Variants in PCDH9 observed in about 807,000 individuals in gnomAD.
PCDH9 encodes protocadherin 9, also known as protocadherin-9.
A neutral mutation model predicts 70.6 loss-of-function variants in PCDH9; 24 were observed. The ratio of observed to expected loss-of-function variants is 0.34; its 90% CI spans 0.25 to 0.48. The LOEUF is 0.48. Ranked by LOEUF, PCDH9 falls within the 20% of genes least tolerant of loss-of-function variation. PCDH9 has a pLI of 0.99. For synonymous variants in PCDH9, 562 were observed against 558.5 expected (o/e 1.01, Z -0.09); for missense variants, 1,281 against 1,503.6 (o/e 0.85, Z 2.45).
rs1422043192 is a variant in PCDH9 at position 66,398,194 on chromosome 13, A to G, written c.3341-93166T>C. Among the ~76,000 whole-genome samples the G allele has an allele frequency of 2.6e-5, 4 of 152,114 alleles. 1 individual carries two copies. The highest frequency in any genetic ancestry group is 6.3e-3 in the Middle Eastern group (2 of 316). The stretch of plus-strand genomic sequence containing the variant: ...AAACAAAACATGGAGTGAGAATTGT[A>G]GCTTTAAGAAAGTATCTTTATAAAA... On this transcript the variant is annotated intron_variant, in intron 4 of 4. Transcript: ENST00000377865.
chr13:66,739,133 A>G lies in PCDH9; in HGVS notation c.3139-107722T>C, dbSNP rs1300967844. Among the ~76,000 whole-genome samples, 10 of 144,488 alleles carry G rather than the reference A, an allele frequency of 6.9e-5. No individual in the cohort carries two copies. In the East Asian group the frequency reaches 2.0e-3, roughly 29 times the overall value. 94.8% of individuals were successfully genotyped at this position (144,488 alleles called of 152,430 possible). A position where few individuals can be genotyped will look rare whatever the true frequency, so the allele number is the denominator to read the frequency against. On this transcript the variant is annotated intron_variant, in intron 3 of 4. Coordinates refer to ENST00000377865, the MANE Select transcript of PCDH9 (RefSeq NM_203487.3). Reference sequence around the variant, plus strand: ...TCAAAGGGAAGCCCATCAGACTAACAGCGGATCTCTCGGCAGAAACCCTAC... The same window carrying G: ...TCAAAGGGAAGCCCATCAGACTAACGGCGGATCTCTCGGCAGAAACCCTAC...
At chr13:66,769,473 A>T (rs1594034750) in intron 3 of PCDH9, among the ~76,000 whole-genome samples, 1 of 150,506 alleles carries the variant, frequency 6.6e-6, no homozygotes, top group East Asian at 2.0e-4. Context: ...GCATCGTAGT[A>T]GCAACATGGT....
chr13:66,888,471 G>A (rs1053606313), intron 3 of PCDH9, among the ~76,000 whole-genome samples: 1 of 151,286 alleles, frequency 6.6e-6, no homozygotes, highest in Non-Finnish European at 1.5e-5. Flanking sequence ...TCACGTCACT[G>A]CACTCCAGCC....
chr13:66,383,293 C>T (rs1408654478), intron 4 of PCDH9, among the ~76,000 whole-genome samples: 1 of 152,202 alleles, frequency 6.6e-6, no homozygotes, highest in Non-Finnish European at 1.5e-5. Context: ...CTTCTTCGTA[C>T]ATATTTTACT....
intron 3 of PCDH9, among the ~76,000 whole-genome samples, chr13:66,632,686 T>A (rs2077587001): frequency 6.6e-6 from 1 of 152,194 alleles, no homozygotes; most frequent in South Asian, 2.1e-4. Flanking sequence ...TCTCTGAGAA[T>A]ATTTATAATT....
At chr13:66,855,677 C>CA (rs969736551) in intron 3 of PCDH9, among the ~76,000 whole-genome samples, 3 of 151,776 alleles carry the variant, frequency 2.0e-5, no homozygotes, top group African/African-American at 7.3e-5. Flanking sequence ...AACTTACTGA[C>CA]AAAAAAGGCT....
intron 2 of PCDH9, among the ~76,000 whole-genome samples, chr13:67,090,343 A>G (rs2138209073): frequency 6.6e-6 from 1 of 152,146 alleles, no homozygotes; most frequent in Non-Finnish European, 1.5e-5. Context: ...TGGTCCTTAG[A>G]CAACACTTTG....
Position 66,821,233 on chromosome 13 carries a change from A to G in PCDH9, c.3138+82271T>C, listed in dbSNP as rs80174886. Among the ~76,000 whole-genome samples the G allele has an allele frequency of 8.7e-3, 1,320 of 152,264 alleles. 18 individuals carry two copies. The highest frequency in any genetic ancestry group is 0.03 in the African/African-American group (1,242 of 41,544). On this transcript the variant is annotated intron_variant, in intron 3 of 4. Coordinates refer to ENST00000377865, the MANE Select transcript of PCDH9 (RefSeq NM_203487.3). ...GAAAGCAGTATTTTACACTAGATAA[A>G]TAAGTACGATTATGTTTTCTCACTC... is the stretch of plus-strand genomic sequence containing the variant.
intron 3 of PCDH9, among the ~76,000 whole-genome samples, chr13:66,726,819 C>T (rs956814719): frequency 6.6e-6 from 1 of 152,180 alleles, no homozygotes; most frequent in African/African-American, 2.4e-5. Flanking sequence ...TCAACTTTCT[C>T]AGTTAGCCAT....
chr13:66,474,131 T>G (rs1594036626), intron 4 of PCDH9, among the ~76,000 whole-genome samples: 2 of 152,304 alleles, frequency 1.3e-5, no homozygotes, highest in South Asian at 2.1e-4. Context: ...CTTTGAATAT[T>G]TTCATCATCA....
At chr13:66,606,292 T>C (rs1439909455) in intron 4 of PCDH9, among the ~76,000 whole-genome samples, 2 of 152,120 alleles carry the variant, frequency 1.3e-5, no homozygotes, top group Non-Finnish European at 2.9e-5. Context: ...GTCATTATAG[T>C]GAGTACTTTT....
intron 3 of PCDH9, among the ~76,000 whole-genome samples, chr13:66,662,766 AT>A (rs1309377502): frequency 2.0e-4 from 31 of 152,194 alleles, no homozygotes; most frequent in Admixed American, 1.7e-3. Context: ...TCAAGGGCAA[AT>A]AAGAGAAGAC....
chr13:66,715,627 C>T (rs2139139954), intron 3 of PCDH9, among the ~76,000 whole-genome samples: 1 of 152,224 alleles, frequency 6.6e-6, no homozygotes, highest in Non-Finnish European at 1.5e-5. Flanking sequence ...CATCATTGTG[C>T]ACATCTTTGT....
At chr13:66,746,274 T>C (rs2079361826) in intron 3 of PCDH9, among the ~76,000 whole-genome samples, 1 of 152,344 alleles carries the variant, frequency 6.6e-6, no homozygotes, top group Non-Finnish European at 1.5e-5. Flanking sequence ...AAAGTGTGTT[T>C]TAACTGAGAT....
At chr13:66,936,773 T>C (rs1056771042) in intron 2 of PCDH9, among the ~76,000 whole-genome samples, 1 of 152,210 alleles carries the variant, frequency 6.6e-6, no homozygotes, top group Non-Finnish European at 1.5e-5. Context: ...TTAATAATAG[T>C]GAGCTATCAG....
At chr13:66,715,603 A>G (rs906050504) in intron 3 of PCDH9, among the ~76,000 whole-genome samples, 1 of 152,202 alleles carries the variant, frequency 6.6e-6, no homozygotes, top group African/African-American at 2.4e-5. Flanking sequence ...TACAGATGAT[A>G]CACATATATA....
chr13:66,511,929 G>A (rs1411322681), intron 4 of PCDH9, among the ~76,000 whole-genome samples: 2 of 152,000 alleles, frequency 1.3e-5, no homozygotes, highest in African/African-American at 4.8e-5. Context: ...CTAGCCTCAG[G>A]TATTTCTTGA....
At chr13:66,556,720 GTAT>G (rs959084596) in intron 4 of PCDH9, among the ~76,000 whole-genome samples, 1 of 152,022 alleles carries the variant, frequency 6.6e-6, no homozygotes, top group Non-Finnish European at 1.5e-5. Flanking sequence ...AAATTCTAAA[GTAT>G]TATTATTTTT....
At chr13:66,415,448 G>T (rs1957445455) in intron 4 of PCDH9, among the ~76,000 whole-genome samples, 1 of 152,094 alleles carries the variant, frequency 6.6e-6, no homozygotes, top group African/African-American at 2.4e-5. Flanking sequence ...CTCTTCATGG[G>T]TAGAATCCAT....
Sources: allele counts gnomAD v4.1 joint callset (sites outside exome capture counted in the v4.1 genomes callset), GRCh38; gene constraint gnomAD v4.1.1; transcripts MANE v1.5; gene names NCBI Gene and HGNC (gene_info 2026-07-23, HGNC 2026-07-21).